The following CNGA3 variants were observed in gnomAD, a reference collection of about 807,000 sequenced individuals.
The protein encoded by CNGA3 is cyclic nucleotide gated channel subunit alpha 3.
A neutral mutation model predicts 46.6 loss-of-function variants in CNGA3; 42 were observed. The observed-to-expected ratio is 0.90, with a 90% CI of 0.70 to 1.17. The LOEUF (loss-of-function observed/expected upper bound fraction) is 1.17, where lower values mean the gene tolerates loss of function less well. Ranked by LOEUF, CNGA3 falls within the 50% of genes most tolerant of loss-of-function variation. The probability of loss-of-function intolerance (pLI) is 0.00; values close to 1 mark genes in which losing one functional copy is unlikely to be tolerated. For missense variants in CNGA3, 893 were observed against 890.7 expected (o/e 1.00, Z -0.03); for synonymous variants, 394 against 369.4 (o/e 1.07, Z -0.76).
chr2:98,367,183 T>C (rs1558807203), intron 1 of CNGA3, among the ~76,000 whole-genome samples: 1 of 127,308 alleles, frequency 7.9e-6, no homozygotes, highest in African/African-American at 2.9e-5. Context: ...TTTCTTTTTT[T>C]TCTTTTTTTT....
chr2:98,380,828 G>A (rs1333168559), intron 4 of CNGA3, among the ~76,000 whole-genome samples: 1 of 152,126 alleles, frequency 6.6e-6, no homozygotes, highest in African/African-American at 2.4e-5. Context: ...ATTTTTCTGG[G>A]AAGAGAGTCT....
intron 2 of CNGA3, among the ~76,000 whole-genome samples, chr2:98,374,525 C>T (rs952074342): frequency 6.6e-6 from 1 of 152,174 alleles, no homozygotes; most frequent in African/African-American, 2.4e-5. Flanking sequence ...AGAACAGAGC[C>T]TGGCCCCACG....
intron 1 of CNGA3, among the ~76,000 whole-genome samples, chr2:98,355,229 G>C (rs1389960504): frequency 6.6e-6 from 1 of 152,122 alleles, no homozygotes; most frequent in Non-Finnish European, 1.5e-5. Flanking sequence ...GAGAACTTTT[G>C]CATATTAATC....
chr2:98,370,596 C>G (rs768421334), intron 2 of CNGA3, among the ~76,000 whole-genome samples: 2 of 152,214 alleles, frequency 1.3e-5, no homozygotes, highest in Non-Finnish European at 2.9e-5. Flanking sequence ...CCATCAACCC[C>G]ATCAATGACA....
At position 98,353,770 on chromosome 2, in the gene CNGA3, A is replaced by C. The variant is rs566012558; in HGVS notation, c.-38+7236A>C. On this transcript the variant is annotated intron_variant, in intron 1 of 7. Transcript: ENST00000272602. ...TAGTTCTGCAGATGGTACAGGAAGCATTATGCTGGCATCTGCTCAGCTTCT... is the reference window on the plus strand; with the variant it reads ...TAGTTCTGCAGATGGTACAGGAAGCCTTATGCTGGCATCTGCTCAGCTTCT... 7.9e-5 allele frequency among the ~76,000 whole-genome samples: 12 copies of C among 152,342 alleles called. No homozygotes were observed. In the South Asian group the frequency reaches 2.3e-3, roughly 29 times the overall value.
intron 2 of CNGA3, among the ~76,000 whole-genome samples, chr2:98,374,658 C>T (rs1215294170): frequency 1.3e-5 from 2 of 152,240 alleles, no homozygotes; most frequent in Admixed American, 1.3e-4. Flanking sequence ...TCCCACCTCC[C>T]CTCCATCTGC....
intron 4 of CNGA3, among the ~76,000 whole-genome samples, chr2:98,382,749 C>T (rs921649085): frequency 1.3e-5 from 2 of 152,196 alleles, no homozygotes; most frequent in African/African-American, 4.8e-5. Context: ...TTGTGCAAAA[C>T]CAGCCCCTAC....
chr2:98,377,650 G>A (rs748534212), intron 2 of CNGA3, 37 bp from the exon 3 acceptor site: 4 of 1,578,734 alleles, frequency 2.5e-6, no homozygotes, highest in Non-Finnish European at 3.5e-6. Context: ...AGATGGGCTT[G>A]AAATCAATTC....
At chr2:98,357,762 T>C (rs1214684983) in intron 1 of CNGA3, among the ~76,000 whole-genome samples, 1 of 152,226 alleles carries the variant, frequency 6.6e-6, no homozygotes, top group Admixed American at 6.5e-5. Flanking sequence ...TACACATTCA[T>C]TTGGGAGATG....
chr2:98,348,680 G>T (rs916139319), intron 1 of CNGA3, among the ~76,000 whole-genome samples: 1 of 152,198 alleles, frequency 6.6e-6, no homozygotes, highest in Non-Finnish European at 1.5e-5. Context: ...GAGGCTGGGG[G>T]TAAACAGTTT....
intron 1 of CNGA3, among the ~76,000 whole-genome samples, chr2:98,352,503 T>G (rs764502587): frequency 2.6e-5 from 4 of 152,212 alleles, no homozygotes; most frequent in Admixed American, 6.5e-5. Context: ...CCACCAGCAA[T>G]GAATGAGGCT....
At chr2:98,360,192 A>G (rs534768656) in intron 1 of CNGA3, among the ~76,000 whole-genome samples, 2 of 152,296 alleles carry the variant, frequency 1.3e-5, no homozygotes, top group South Asian at 4.1e-4. Context: ...CTTCATTTGT[A>G]AGAGAGGGAG....
At chr2:98,383,988 G>A (rs558692640) in intron 5 of CNGA3, among the ~76,000 whole-genome samples, 1 of 152,110 alleles carries the variant, frequency 6.6e-6, no homozygotes, top group Non-Finnish European at 1.5e-5. Flanking sequence ...CCGGGTTCAC[G>A]CCATTCTCCT....
At position 98,396,796 on chromosome 2, in the gene CNGA3, C is replaced by T. The variant is rs78583671; in HGVS notation, c.1626C>T (p.Ser542=). 3,965 of 1,614,166 alleles carry T rather than the reference C, an allele frequency of 2.5e-3. 121 individuals carry two copies. The East Asian group carries it at 0.063, about 26-fold the overall frequency. Residue 542 remains serine, a synonymous_variant, in exon 8 of 8, where the codon AGC becomes AGT. Transcript: ENST00000272602. ...GGGTCACCCAGTTCGTGGTCCTCAG[C>T]GATGGCAGCTACTTCGGGGAGATCA... ...DDGVTQFVVL[S]DGSYFGEISI... is the part of the protein sequence containing the mutation.
chr2:98,372,373 T>C (rs765433614), intron 2 of CNGA3, among the ~76,000 whole-genome samples: 1 of 152,184 alleles, frequency 6.6e-6, no homozygotes, highest in Non-Finnish European at 1.5e-5. Context: ...GCAGGCTCAC[T>C]CTGGAATGCA....
At position 98,397,091 on chromosome 2, in the gene CNGA3, C is replaced by A; in HGVS notation, c.1921C>A (p.Gln641Lys). 5 of 1,614,188 alleles carry A rather than the reference C, an allele frequency of 3.1e-6. No homozygotes were observed. The highest frequency in any genetic ancestry group is 4.2e-6 in the Non-Finnish European group (5 of 1,180,032). Reference sequence around the variant, plus strand: ...GCTGGGGTCCTCCCTGGACACCCTGCAGACCAGGTTTGCACGCCTCCTGGC... The same window carrying A: ...GCTGGGGTCCTCCCTGGACACCCTGAAGACCAGGTTTGCACGCCTCCTGGC... Reference protein sequence around the residue: ...EQLGSSLDTLQTRFARLLAEY... With the variant: ...EQLGSSLDTLKTRFARLLAEY... Residue 641 changes from glutamine to lysine, a missense_variant, in exon 8 of 8, where the codon CAG (glutamine) becomes AAG (lysine). Gln to Lys is a moderately conservative substitution (Grantham distance 53, BLOSUM62 1). Transcript: ENST00000272602.
intron 2 of CNGA3, among the ~76,000 whole-genome samples, chr2:98,371,841 G>C (rs1692295623): frequency 6.6e-6 from 1 of 152,196 alleles, no homozygotes. Context: ...GAGAGGGTCG[G>C]GCATCAGGGA....
At position 98,396,772 on chromosome 2, in the gene CNGA3, G is replaced by A; in HGVS notation, c.1602G>A (p.Gly534=). The A allele has an allele frequency of 6.2e-7, 1 of 1,614,174 alleles. No homozygotes were observed. The highest frequency in any genetic ancestry group is 8.5e-7 in the Non-Finnish European group (1 of 1,180,036). The change falls in exon 8 of 8, where the codon GGG becomes GGA. Residue 534 remains glycine (G), a synonymous_variant. Transcript: ENST00000272602. ...AGCTGGCCGTGGTGGCTGATGATGG[G>A]GTCACCCAGTTCGTGGTCCTCAGCG... ...EGKLAVVADD[G]VTQFVVLSDG...
At chr2:98,392,420 C>A (rs1031123300) in intron 7 of CNGA3, among the ~76,000 whole-genome samples, 1 of 152,058 alleles carries the variant, frequency 6.6e-6, no homozygotes, top group Non-Finnish European at 1.5e-5. Context: ...ATTAGCTGGG[C>A]CCACTGGCAT....
Sources: allele counts gnomAD v4.1 joint callset (sites outside exome capture counted in the v4.1 genomes callset), GRCh38; gene constraint gnomAD v4.1.1; transcripts MANE v1.5; gene names NCBI Gene and HGNC (gene_info 2026-07-23, HGNC 2026-07-21).